COMMD1: variants seen among roughly 807,000 people sequenced by gnomAD.
COMMD1 encodes COMM domain-containing protein 1.
COMMD1 carries 10 observed loss-of-function variants against 17.2 expected under a neutral mutation model. The ratio of observed to expected loss-of-function variants is 0.58; its 90% CI spans 0.36 to 0.99. The LOEUF (loss-of-function observed/expected upper bound fraction) is 0.99, where lower values mean the gene tolerates loss of function less well. COMMD1 is among the 50% of genes least tolerant of loss of function. COMMD1 has a pLI of 0.01. For synonymous variants in COMMD1, 97 were observed against 91.6 expected (o/e 1.06, Z -0.34); for missense variants, 270 against 231.8 (o/e 1.17, Z -1.07).
At chr2:62,114,711 C>T (rs968732411) in intron 2 of COMMD1, among the ~76,000 whole-genome samples, 4 of 152,208 alleles carry the variant, frequency 2.6e-5, no homozygotes, top group Admixed American at 2.0e-4. Flanking sequence ...TACTCTTCCA[C>T]TCTGCTGCAC....
chr2:62,016,265 G>A (rs1218853596), intron 2 of COMMD1, among the ~76,000 whole-genome samples: 2 of 136,792 alleles, frequency 1.5e-5, no homozygotes, highest in Non-Finnish European at 1.5e-5. Flanking sequence ...CTGGAGTGCA[G>A]TGGCACAATC....
intron 2 of COMMD1, among the ~76,000 whole-genome samples, chr2:62,002,980 C>G (rs1185447429): frequency 6.6e-6 from 1 of 152,212 alleles, no homozygotes; most frequent in Non-Finnish European, 1.5e-5. Context: ...CGCCTGTAAT[C>G]CCAGCACTTT....
At chr2:61,898,113 T>C (rs760076363) in intron 1 of COMMD1, among the ~76,000 whole-genome samples, 1 of 152,242 alleles carries the variant, frequency 6.6e-6, no homozygotes, top group Non-Finnish European at 1.5e-5. Context: ...TGTAAGATTT[T>C]AAGGCAGAGA....
At chr2:61,958,269 CTT>C (rs542798625) in intron 1 of COMMD1, among the ~76,000 whole-genome samples, 8 of 141,162 alleles carry the variant, frequency 5.7e-5, no homozygotes, top group Admixed American at 2.1e-4. Context: ...TCTTTCTTTC[CTT>C]TTTTTTTTTT....
At chr2:62,036,925 A>G (rs1000060279) in intron 2 of COMMD1, among the ~76,000 whole-genome samples, 10 of 152,316 alleles carry the variant, frequency 6.6e-5, no homozygotes, top group African/African-American at 2.4e-4. Context: ...CCATTTGTAG[A>G]TGAGTGATAT....
chr2:62,002,849 CA>C (rs1026447573), intron 2 of COMMD1, among the ~76,000 whole-genome samples: 4 of 146,832 alleles, frequency 2.7e-5, no homozygotes, highest in African/African-American at 2.5e-5. Context: ...GACCCTGTTG[CA>C]AAAAAAAAAT....
At chr2:62,073,958 A>T (rs1430791967) in intron 2 of COMMD1, among the ~76,000 whole-genome samples, 1 of 152,150 alleles carries the variant, frequency 6.6e-6, no homozygotes, top group African/African-American at 2.4e-5. Context: ...TGGCCTCCTA[A>T]AGTGTTAGGA....
chr2:62,063,442 A>G (rs113758087), intron 2 of COMMD1, among the ~76,000 whole-genome samples: 43 of 152,176 alleles, frequency 2.8e-4, no homozygotes, highest in African/African-American at 9.4e-4. Context: ...CGCCCGCCTC[A>G]GCCTCCCAAA....
At chr2:62,089,979 A>G (rs1162186340) in intron 2 of COMMD1, among the ~76,000 whole-genome samples, 1 of 146,608 alleles carries the variant, frequency 6.8e-6, no homozygotes, top group East Asian at 2.0e-4. Flanking sequence ...TCTGGTTGGT[A>G]GCAGTAGTTT....
intron 1 of COMMD1, among the ~76,000 whole-genome samples, chr2:61,947,715 A>C (rs929214891): frequency 1.4e-5 from 2 of 143,070 alleles, no homozygotes; most frequent in Non-Finnish European, 1.5e-5. Flanking sequence ...TTTTTTTTGT[A>C]CTTTTTTTTT....
intron 2 of COMMD1, among the ~76,000 whole-genome samples, chr2:62,120,987 A>G (rs1385643443): frequency 6.6e-6 from 1 of 152,014 alleles, no homozygotes; most frequent in Non-Finnish European, 1.5e-5. Flanking sequence ...CGGGCAATCT[A>G]CACACCTTGG....
chr2:62,057,761 A>G (rs1327177376), intron 2 of COMMD1, among the ~76,000 whole-genome samples: 2 of 150,776 alleles, frequency 1.3e-5, no homozygotes, highest in Non-Finnish European at 3.0e-5. Flanking sequence ...CTGTAGAGGC[A>G]CATTCTCCCT....
intron 1 of COMMD1, among the ~76,000 whole-genome samples, chr2:61,910,257 C>T (rs527497257): frequency 1.3e-5 from 2 of 151,854 alleles, no homozygotes; most frequent in South Asian, 2.1e-4. Context: ...CACTGCCCCC[C>T]CCTTTTTTTT....
At chr2:61,971,166 G>A (rs1671641305) in intron 1 of COMMD1, among the ~76,000 whole-genome samples, 1 of 152,238 alleles carries the variant, frequency 6.6e-6, no homozygotes. Flanking sequence ...TCGAACAAAG[G>A]ATTTTTAGCA....
chr2:61,891,388 CAG>C (rs1356237211), intron 1 of COMMD1, among the ~76,000 whole-genome samples: 1 of 152,184 alleles, frequency 6.6e-6, no homozygotes, highest in Non-Finnish European at 1.5e-5. Context: ...CGGCTTTCAT[CAG>C]AGTGTTAATG....
chr2:62,025,074 G>T (rs924613724), intron 2 of COMMD1, among the ~76,000 whole-genome samples: 1 of 151,888 alleles, frequency 6.6e-6, no homozygotes, highest in African/African-American at 2.4e-5. Context: ...GCAAAAATTA[G>T]CCAGGCATGG....
chr2:61,920,701 G>A (rs112455575), intron 1 of COMMD1, among the ~76,000 whole-genome samples: 37 of 152,052 alleles, frequency 2.4e-4, no homozygotes, highest in African/African-American at 8.4e-4. Flanking sequence ...CAGTAACAAT[G>A]AGCTTCTAGT....
At position 61,941,272 on chromosome 2, in the gene COMMD1, C is replaced by G. The variant is rs181503959; in HGVS notation, c.180+35414C>G. Among the ~76,000 whole-genome samples, 313 of 152,284 alleles carry G rather than the reference C, an allele frequency of 2.1e-3. 1 individual carries two copies. The highest frequency in any genetic ancestry group is 7.1e-3 in the African/African-American group (297 of 41,562). On this transcript the variant is annotated intron_variant, in intron 1 of 2. Transcript: ENST00000311832. ...TGAGTTCCTGACCTTAGGTGATCCA[C>G]CCGCCTCAGCCTCCCAAAGTGCTGG...
chr2:61,942,541 T>C (rs1372505191), intron 1 of COMMD1, among the ~76,000 whole-genome samples: 1 of 124,594 alleles, frequency 8.0e-6, no homozygotes, highest in Non-Finnish European at 1.7e-5. Flanking sequence ...GTGCCTGGCC[T>C]TTTTTTTTTT....
Sources: gnomAD v4.1 joint callset for allele counts (sites outside exome capture counted in the v4.1 genomes callset) on GRCh38, gnomAD v4.1.1 for gene constraint, MANE v1.5 for transcripts, NCBI Gene and HGNC (gene_info 2026-07-23, HGNC 2026-07-21) for gene names.